The following CDC40 variants were observed in gnomAD, a reference collection of about 807,000 sequenced individuals.
CDC40 encodes the protein pre-mRNA-processing factor 17.
CDC40 carries 27 observed loss-of-function variants against 80.6 expected under a neutral mutation model. The observed-to-expected ratio is 0.33, with a 90% CI of 0.25 to 0.46. The LOEUF (loss-of-function observed/expected upper bound fraction) is 0.46. Among genes scored for constraint, CDC40 ranks in the 20% least tolerant of loss-of-function variants. The probability of loss-of-function intolerance (pLI) is 1.00; values close to 1 mark genes in which losing one functional copy is unlikely to be tolerated. For missense variants in CDC40, 486 were observed against 694.1 expected, an observed-to-expected ratio of 0.70 and a Z score of 3.37; for synonymous variants, 221 against 232.6, an observed-to-expected ratio of 0.95 and a Z score of 0.45.
intron 1 of CDC40, among the ~76,000 whole-genome samples, chr6:110,183,544 A>G (rs752444556): frequency 3.3e-5 from 5 of 152,286 alleles, no homozygotes; most frequent in African/African-American, 9.6e-5. Context: ...TCTGGGTTCT[A>G]TGAGAGCGTA....
intron 12 of CDC40, among the ~76,000 whole-genome samples, chr6:110,224,078 G>T (rs989744636): frequency 6.6e-6 from 1 of 151,998 alleles, no homozygotes; most frequent in Non-Finnish European, 1.5e-5. Context: ...TGATCTACCC[G>T]CCTCAGCCTC....
At chr6:110,212,400 C>G in intron 7 of CDC40, 128 bp downstream of exon 7, 5 of 881,956 alleles carry the variant, frequency 5.7e-6, no homozygotes, top group Non-Finnish European at 8.7e-6. Flanking sequence ...TGAATGTAAG[C>G]CTGAGTTATG....
intron 4 of CDC40, 33 bp from the exon 5 acceptor site, chr6:110,209,049 CAG>C (rs1324071326): frequency 8.2e-7 from 1 of 1,219,558 alleles, no homozygotes; most frequent in East Asian, 2.6e-5. Context: ...TGTAATCTCT[CAG>C]TTTTTTTTTT....
At chr6:110,217,914 A>C in intron 10 of CDC40, 111 bp downstream of exon 10, 8 of 586,730 alleles carry the variant, frequency 1.4e-5, no homozygotes, top group East Asian at 6.1e-5. Context: ...GCTGATTCTC[A>C]TACCATTCAC....
intron 2 of CDC40, among the ~76,000 whole-genome samples, chr6:110,197,518 T>C (rs1343474127): frequency 6.6e-6 from 1 of 152,188 alleles, no homozygotes; most frequent in Non-Finnish European, 1.5e-5. Flanking sequence ...ACAATAGATC[T>C]TTTGAACTTA....
At position 110,226,235 on chromosome 6, in the gene CDC40, C is replaced by T; in HGVS notation, c.1409C>T (p.Ser470Phe). 1.3e-6 allele frequency: 2 copies of T among 1,589,176 alleles called. No homozygotes were observed. Among genetic ancestry groups the T allele is most frequent in the East Asian group, 2.2e-5 (1 of 44,646 alleles). ...SMHSMPAVTL[S>F]PNGKWLACQS... is the part of the protein sequence containing the mutation. ...CACTCAATGCCTGCAGTGACTTTGTCTCCAAATGGTGAGTTAGTATGTAGA... is the reference window on the plus strand; with the variant it reads ...CACTCAATGCCTGCAGTGACTTTGTTTCCAAATGGTGAGTTAGTATGTAGA... Residue 470 changes from serine to phenylalanine, a missense_variant, in exon 13 of 15, where the codon TCT becomes TTT. By Grantham distance (155) the Ser-to-Phe change is radical. Transcript: ENST00000307731.
At chr6:110,194,483 G>A (rs528113973) in intron 2 of CDC40, among the ~76,000 whole-genome samples, 1 of 152,298 alleles carries the variant, frequency 6.6e-6, no homozygotes, top group African/African-American at 2.4e-5. Context: ...CACAGCCAGA[G>A]TTGTCAGTGC....
chr6:110,201,376 G>A (rs1777490870), intron 2 of CDC40, among the ~76,000 whole-genome samples, 182 bp from the exon 3 acceptor site: 1 of 152,126 alleles, frequency 6.6e-6, no homozygotes, highest in African/African-American at 2.4e-5. Flanking sequence ...TGTCCCAGGG[G>A]CTGACAAATG....
chr6:110,210,653 G>A, intron 5 of CDC40, 54 bp from the exon 6 acceptor site: 4 of 883,358 alleles, frequency 4.5e-6, no homozygotes, highest in South Asian at 2.3e-5. Flanking sequence ...CCAACTTTAG[G>A]TATAATGAGG....
intron 8 of CDC40, 142 bp from the exon 9 acceptor site, chr6:110,215,144 C>A: frequency 1.6e-6 from 1 of 634,936 alleles, no homozygotes; most frequent in Non-Finnish European, 2.8e-6. Flanking sequence ...TAATGATATT[C>A]AGTGTTTAAT....
Position 110,199,399 on chromosome 6 carries a change from C to G in CDC40, c.277-2159C>G, listed in dbSNP as rs191588398. 1.7e-3 allele frequency among the ~76,000 whole-genome samples: 263 copies of G among 151,750 alleles called. 1 individual carries two copies. Among genetic ancestry groups the G allele is most frequent in the African/African-American group, 6.2e-3 (257 of 41,366 alleles). On this transcript the variant is annotated intron_variant, in intron 2 of 14. Coordinates refer to ENST00000307731, the MANE Select transcript of CDC40 (RefSeq NM_015891.3). ...TACGAGGTCAGGAGATCGAGACCATCCTGGATAACACAGTGAAACCCCGTC... is the reference window on the plus strand; with the variant it reads ...TACGAGGTCAGGAGATCGAGACCATGCTGGATAACACAGTGAAACCCCGTC...
chr6:110,209,650 T>C (rs1313116741), intron 5 of CDC40, among the ~76,000 whole-genome samples: 1 of 152,190 alleles, frequency 6.6e-6, no homozygotes, highest in Non-Finnish European at 1.5e-5. Context: ...TCTTAAAAAC[T>C]ACTATAAAGT....
intron 14 of CDC40, among the ~76,000 whole-genome samples, chr6:110,229,252 C>T (rs945256158): frequency 6.6e-6 from 1 of 152,092 alleles, no homozygotes; most frequent in Non-Finnish European, 1.5e-5. Flanking sequence ...TAACCAATGC[C>T]TTATTTTCTC....
intron 1 of CDC40, among the ~76,000 whole-genome samples, chr6:110,188,918 T>G (rs532189604): frequency 6.6e-6 from 1 of 152,360 alleles, no homozygotes; most frequent in African/African-American, 2.4e-5. Context: ...CCTTTATTTC[T>G]GCCTACTTGT....
At position 110,226,229 on chromosome 6, in the gene CDC40, C is replaced by G. The variant is rs777393948; in HGVS notation, c.1403C>G (p.Thr468Ser). The part of the protein sequence containing the change: ...EPSMHSMPAV[T>S]LSPNGKWLAC... ...AGTATGCACTCAATGCCTGCAGTGA[C>G]TTTGTCTCCAAATGGTGAGTTAGTA... The change falls in exon 13 of 15, where the codon ACT (threonine) becomes AGT (serine). Residue 468 changes from threonine to serine, a missense_variant. Thr to Ser is a moderately conservative substitution (Grantham distance 58). Around this residue, in one of 3 missense-constraint regions of CDC40, gnomAD observed 88 missense variants for 138.7 expected, o/e 0.63. Coordinates refer to ENST00000307731, the MANE Select transcript of CDC40 (RefSeq NM_015891.3). 10 of 1,598,596 alleles carry G rather than the reference C, an allele frequency of 6.3e-6. No homozygotes were observed. In the Admixed American group the frequency reaches 6.7e-5, roughly 11 times the overall value.
intron 1 of CDC40, among the ~76,000 whole-genome samples, chr6:110,190,738 G>C (rs950944611): frequency 1.1e-4 from 17 of 152,146 alleles, no homozygotes; most frequent in African/African-American, 3.6e-4. Context: ...AGCTAGGGGA[G>C]GGTCCTGGGA....
intron 2 of CDC40, among the ~76,000 whole-genome samples, chr6:110,196,935 G>A (rs1475109844): frequency 6.6e-6 from 1 of 151,988 alleles, no homozygotes; most frequent in African/African-American, 2.4e-5. Flanking sequence ...CAACAATCTA[G>A]TATACTATTA....
intron 8 of CDC40, among the ~76,000 whole-genome samples, chr6:110,213,568 A>T (rs192448745): frequency 6.6e-6 from 1 of 151,922 alleles, no homozygotes; most frequent in Non-Finnish European, 1.5e-5. Flanking sequence ...TTAAGCTTAG[A>T]CAACTGATGA....
At chr6:110,198,075 G>A (rs1294236142) in intron 2 of CDC40, among the ~76,000 whole-genome samples, 2 of 151,554 alleles carry the variant, frequency 1.3e-5, no homozygotes, top group African/African-American at 2.4e-5. Context: ...ACCCTTTATC[G>A]TTTTTATAAT....
Sources: gnomAD v4.1 joint callset for allele counts (sites outside exome capture counted in the v4.1 genomes callset) on GRCh38, gnomAD v4.1.1 for gene constraint, gnomAD v4.1.1 regional missense constraint, MANE v1.5 for transcripts, NCBI Gene and HGNC (gene_info 2026-07-23, HGNC 2026-07-21) for gene names.